EPB41L3: variants seen among roughly 807,000 people sequenced by gnomAD.
EPB41L3 encodes the protein band 4.1-like protein 3.
A neutral mutation model predicts 127.1 loss-of-function variants in EPB41L3; 57 were observed. That is an observed-to-expected ratio of 0.45 (90% CI 0.36 to 0.56). The LOEUF is 0.56. EPB41L3 is among the 20% of genes least tolerant of loss of function. The pLI is 0.00. For missense variants in EPB41L3, 1,273 were observed against 1,372.2 expected, an observed-to-expected ratio of 0.93 and a Z score of 1.14; for synonymous variants, 572 against 549.5, an observed-to-expected ratio of 1.04 and a Z score of -0.57.
At chr18:5,620,230 T>G (rs1025279957) in intron 1 of EPB41L3, among the ~76,000 whole-genome samples, 2 of 152,136 alleles carry the variant, frequency 1.3e-5, no homozygotes, top group African/African-American at 4.8e-5. Context: ...TAAACTATCA[T>G]CCAGGGAAAT....
At chr18:5,442,724 T>C (rs577714470) in intron 5 of EPB41L3, among the ~76,000 whole-genome samples, 2 of 152,338 alleles carry the variant, frequency 1.3e-5, no homozygotes, top group African/African-American at 4.8e-5. Context: ...AACGTAGTTA[T>C]TTTAAATTAG....
intron 14 of EPB41L3, among the ~76,000 whole-genome samples, chr18:5,410,053 G>T (rs747209449): frequency 6.6e-6 from 1 of 151,990 alleles, no homozygotes; most frequent in Non-Finnish European, 1.5e-5. Context: ...ACAGTCAAAG[G>T]CTACAAAAAT....
intron 1 of EPB41L3, among the ~76,000 whole-genome samples, chr18:5,528,360 G>A (rs1192463774): frequency 6.6e-6 from 1 of 151,828 alleles, no homozygotes; most frequent in Non-Finnish European, 1.5e-5. Flanking sequence ...AATTTTTGTA[G>A]AGGTGGGGTC....
chr18:5,521,309 T>G (rs959929554), intron 1 of EPB41L3: 2 of 152,230 alleles, frequency 1.3e-5, no homozygotes, highest in Non-Finnish European at 2.9e-5. Context: ...CAGTTTTTCT[T>G]GGGTGAATGG....
At chr18:5,410,464 T>A in intron 14 of EPB41L3, 102 bp downstream of exon 14, 1 of 806,650 alleles carries the variant, frequency 1.2e-6, no homozygotes, top group East Asian at 2.5e-5. Flanking sequence ...TTAGAACTGA[T>A]CTCCATTACA....
chr18:5,508,345 C>T (rs1268654839), intron 1 of EPB41L3: 1 of 152,124 alleles, frequency 6.6e-6, no homozygotes, highest in Non-Finnish European at 1.5e-5. Flanking sequence ...CTGTACAACC[C>T]AAAAGAAGAC....
At chr18:5,588,240 G>C (rs2094456913) in intron 3 of EPB41L3, among the ~76,000 whole-genome samples, 1 of 151,978 alleles carries the variant, frequency 6.6e-6, no homozygotes, top group South Asian at 2.1e-4. Context: ...CTGGGACTTG[G>C]GAATTCCAAT....
At chr18:5,442,706 T>A (rs1340960812) in intron 5 of EPB41L3, among the ~76,000 whole-genome samples, 2 of 152,168 alleles carry the variant, frequency 1.3e-5, no homozygotes, top group African/African-American at 4.8e-5. Context: ...GACAAAAATA[T>A]GAATAAAAAC....
rs375650915 is a variant in EPB41L3, at chr18:5,591,948, T to C, written c.-306+20392A>G. ...GTCAACTGTTGTCTGAGGGACTTTC[T>C]AGATTTCTTTCCTATAAAGAAACTC... On this transcript the variant is annotated intron_variant, in intron 3 of 21. Transcript: ENST00000545076. Among the ~76,000 whole-genome samples, 39 of 152,268 alleles carry C rather than the reference T, an allele frequency of 2.6e-4. No individual in the cohort carries two copies. The South Asian group carries it at 6.8e-3, about 27-fold the overall frequency.
intron 3 of EPB41L3, among the ~76,000 whole-genome samples, chr18:5,557,718 G>C (rs901791971): frequency 6.6e-6 from 1 of 152,130 alleles, no homozygotes; most frequent in Non-Finnish European, 1.5e-5. Context: ...TACTTGAGAA[G>C]TTCTCTCAAG....
At position 5,557,314 on chromosome 18, in the gene EPB41L3, G is replaced by GT. The variant is rs570175816; in HGVS notation, c.-306+55025dup. Among the ~76,000 whole-genome samples the GT allele has an allele frequency of 2.0e-5, 3 of 152,284 alleles. No homozygotes were observed. The South Asian group carries it at 6.2e-4, about 32-fold the overall frequency. On this transcript the variant is annotated intron_variant, in intron 3 of 21. Transcript: ENST00000545076. ...TCGACATGTGGGCTTTTCCTAACATGTTTTTTTCCTGTCTTGTAGCACACA... is the reference window on the plus strand; with the variant it reads ...TCGACATGTGGGCTTTTCCTAACATGTTTTTTTTCCTGTCTTGTAGCACACA...
At chr18:5,491,661 C>G (rs2090610132) in intron 1 of EPB41L3, among the ~76,000 whole-genome samples, 1 of 152,188 alleles carries the variant, frequency 6.6e-6, no homozygotes, top group South Asian at 2.1e-4. Context: ...AAATCATCTA[C>G]TATGCCCTTG....
At chr18:5,573,384 G>A (rs2094303779) in intron 3 of EPB41L3, among the ~76,000 whole-genome samples, 1 of 152,146 alleles carries the variant, frequency 6.6e-6, no homozygotes, top group African/African-American at 2.4e-5. Context: ...AAGTAAAATG[G>A]TAATATTGCC....
chr18:5,567,828 T>C (rs186713595), intron 3 of EPB41L3, among the ~76,000 whole-genome samples: 1 of 152,230 alleles, frequency 6.6e-6, no homozygotes, highest in African/African-American at 2.4e-5. Context: ...ATATGTAATA[T>C]GTTTGTGTCA....
rs747915345 is a variant in EPB41L3 at position 5,428,485 on chromosome 18, A to C, written c.913-20T>G. On this transcript the variant is annotated intron_variant, in intron 8 of 22. Transcript: ENST00000341928. The stretch of plus-strand genomic sequence containing the variant: ...TGAGTCCTGGAAAATAAAAGCAAGA[A>C]ACAACAGATCAGTATCTAACTTATT... 5 of 1,613,884 alleles carry C rather than the reference A, an allele frequency of 3.1e-6. No individual in the cohort carries two copies. Among genetic ancestry groups the C allele is most frequent in the Non-Finnish European group, 4.2e-6 (5 of 1,179,888 alleles).
chr18:5,564,879 G>T (rs1413830518), intron 3 of EPB41L3, among the ~76,000 whole-genome samples: 2 of 152,166 alleles, frequency 1.3e-5, no homozygotes, highest in Middle Eastern at 3.4e-3. Context: ...ATGCAAGGTG[G>T]CACACAGATA....
At chr18:5,602,459 T>C (rs971344934) in intron 3 of EPB41L3, among the ~76,000 whole-genome samples, 12 of 152,160 alleles carry the variant, frequency 7.9e-5, no homozygotes, top group African/African-American at 2.4e-4. Flanking sequence ...CTCTCACTCA[T>C]TGATTGATTG....
At chr18:5,609,442 A>G (rs532094239) in intron 3 of EPB41L3, among the ~76,000 whole-genome samples, 3 of 152,330 alleles carry the variant, frequency 2.0e-5, no homozygotes, top group African/African-American at 7.2e-5. Flanking sequence ...GAAATCTACC[A>G]GCAGACCACA....
chr18:5,473,880 A>G (rs2086632295), intron 3 of EPB41L3, among the ~76,000 whole-genome samples: 1 of 152,156 alleles, frequency 6.6e-6, no homozygotes, highest in Non-Finnish European at 1.5e-5. Context: ...GTTCGCTATA[A>G]TAAGATCTTT....
Sources: gnomAD v4.1 joint callset for allele counts (sites outside exome capture counted in the v4.1 genomes callset) on GRCh38, gnomAD v4.1.1 for gene constraint, MANE v1.5 for transcripts, NCBI Gene and HGNC (gene_info 2026-07-23, HGNC 2026-07-21) for gene names.